The following OR6F1 variants were observed in gnomAD, a reference collection of about 807,000 sequenced individuals.
OR6F1 encodes the protein olfactory receptor 6F1.
For missense variants in OR6F1, 346 were observed against 376.0 expected, an observed-to-expected ratio of 0.92 and a Z score of 0.66; for synonymous variants, 144 against 150.0, an observed-to-expected ratio of 0.96 and a Z score of 0.29.
intron 2 of OR6F1, among the ~76,000 whole-genome samples, chr1:247,713,439 T>C (rs1371908737): frequency 6.6e-6 from 1 of 152,208 alleles, no homozygotes; most frequent in Non-Finnish European, 1.5e-5. Context: ...ATTTCCATAT[T>C]GAACAATACA....
Position 247,711,843 on chromosome 1 carries a change from A to T in OR6F1, c.913T>A (p.Trp305Arg), listed in dbSNP as rs768855778. ...KEVRETLLKK[W>R]KGK ...GTAGAGGAGATTTATTTTCCCTTCC[A>T]TTTCTTCAGCAGAGTCTCTCTTACT... is the stretch of plus-strand genomic sequence containing the variant. Residue 305 changes from tryptophan (W) to arginine (R), a missense_variant, in exon 3 of 3, where the codon TGG (tryptophan) becomes AGG (arginine). Physicochemically the swap from Trp to Arg is moderately radical, Grantham distance 101. Coordinates refer to ENST00000641470, the MANE Select transcript of OR6F1 (RefSeq NM_001005286.2). 2.5e-6 allele frequency: 4 copies of T among 1,609,860 alleles called. No homozygotes were observed. In the Admixed American group the frequency reaches 5.0e-5, roughly 20 times the overall value.
chr1:247,711,673 A>G lies in OR6F1; in HGVS notation c.*156T>C. 1.8e-6 allele frequency: 1 copy of G among 555,776 alleles called. No homozygotes were observed. The highest frequency in any genetic ancestry group is 3.2e-6 in the Non-Finnish European group (1 of 316,658). The allele number at this position is 555,776 out of a possible 1,614,324, so 34.4% of individuals were successfully genotyped here. On this transcript the variant is annotated 3_prime_UTR_variant, in exon 3 of 3. Coordinates refer to ENST00000641470, the MANE Select transcript of OR6F1 (RefSeq NM_001005286.2). ...TCAAAAACTCCCATTTTTATCATAC[A>G]TGATAATGTATAGAAAATACAGTAT...
At chr1:247,715,783 T>A (rs1660094879) in intron 1 of OR6F1, among the ~76,000 whole-genome samples, 1 of 152,226 alleles carries the variant, frequency 6.6e-6, no homozygotes, top group African/African-American at 2.4e-5. Context: ...TAATTTTAAT[T>A]TCTTACATCT....
intron 2 of OR6F1, among the ~76,000 whole-genome samples, chr1:247,713,318 CA>C (rs1660045277): frequency 6.6e-6 from 1 of 151,070 alleles, no homozygotes; most frequent in African/African-American, 2.5e-5. Context: ...AAATAATGTT[CA>C]AAAGTCACCA....
chr1:247,712,719 G>T lies in OR6F1; in HGVS notation c.37C>A (p.Leu13Ile), dbSNP rs866970673. 1 of 1,606,850 alleles carries T rather than the reference G, an allele frequency of 6.2e-7. No individual in the cohort carries two copies. Among genetic ancestry groups the T allele is most frequent in the Admixed American group, 1.7e-5 (1 of 60,002 alleles). The stretch of plus-strand genomic sequence containing the variant: ...TGAGAACCAGGAAAGCCCAGTAAGA[G>T]AAAGTCCTGGGGCAGAGTTTTGTTG... ...TGNKTLPQDF[L>I]LLGFPGSQTL... Residue 13 changes from leucine (L) to isoleucine (I), a missense_variant, in exon 3 of 3, where the codon CTC becomes ATC. Physicochemically the swap from Leu to Ile is conservative, Grantham distance 5. Coordinates refer to ENST00000641470, the MANE Select transcript of OR6F1 (RefSeq NM_001005286.2).
At chr1:247,714,712 T>A (rs2103191872) in intron 1 of OR6F1, among the ~76,000 whole-genome samples, 1 of 152,020 alleles carries the variant, frequency 6.6e-6, no homozygotes, top group Admixed American at 6.5e-5. Context: ...ATTACCCTAA[T>A]ACAGAAAAAA....
In OR6F1 at chr1:247,712,763, C is replaced by T. The variant is rs367690126; in HGVS notation, c.-8G>A. On this transcript the variant is annotated 5_prime_UTR_variant, in exon 3 of 3. Coordinates refer to ENST00000641470, the MANE Select transcript of OR6F1 (RefSeq NM_001005286.2). ...TTTGTTGCCTGTGTCCATTGTGGTA[C>T]TGAAACCAGAAAACAGAGTCCCCGC... 5 of 1,578,362 alleles carry T rather than the reference C, an allele frequency of 3.2e-6. No individual in the cohort carries two copies. Among genetic ancestry groups the T allele is most frequent in the African/African-American group, 1.3e-5 (1 of 74,216 alleles).
rs750201701 is a variant in OR6F1 at position 247,712,118 on chromosome 1, A to G, written c.638T>C (p.Ile213Thr). ...GATGTACACATAGGAGACAAAGGTGATGAGGCATGAACTCAGGATAACCAC... is the reference window on the plus strand; with the variant it reads ...GATGTACACATAGGAGACAAAGGTGGTGAGGCATGAACTCAGGATAACCAC... Reference protein sequence around the residue: ...AVVVILSSCLITFVSYVYIIS... With the variant: ...AVVVILSSCLTTFVSYVYIIS... The change falls in exon 3 of 3, where the codon ATC (isoleucine) becomes ACC (threonine). Residue 213 changes from isoleucine (I) to threonine (T), a missense_variant. Physicochemically the swap from Ile to Thr is moderately conservative, Grantham distance 89. Transcript: ENST00000641470. The G allele has an allele frequency of 3.7e-6, 6 of 1,614,116 alleles. No homozygotes were observed. Among genetic ancestry groups the G allele is most frequent in the Non-Finnish European group, 5.1e-6 (6 of 1,180,030 alleles).
In OR6F1 at chr1:247,712,677, G is replaced by T; in HGVS notation, c.79C>A (p.Leu27Ile). The T allele has an allele frequency of 6.2e-7, 1 of 1,612,878 alleles. No homozygotes were observed. Reference sequence around the variant, plus strand: ...TACATCACCAGAAAAAGCATAAAGAGAGAGAGCTGAAGAGTTTGAGAACCA... The same window carrying T: ...TACATCACCAGAAAAAGCATAAAGATAGAGAGCTGAAGAGTTTGAGAACCA... ...FPGSQTLQLS[L>I]FMLFLVMYIL... Residue 27 changes from leucine (L) to isoleucine (I), a missense_variant, in exon 3 of 3, where the codon CTC becomes ATC. Physicochemically the swap from Leu to Ile is conservative, Grantham distance 5. Coordinates refer to ENST00000641470, the MANE Select transcript of OR6F1 (RefSeq NM_001005286.2).
intron 2 of OR6F1, 66 bp downstream of exon 2, chr1:247,713,825 T>G (rs1033653495): frequency 2.3e-5 from 9 of 398,176 alleles, no homozygotes; most frequent in African/African-American, 4.1e-5. Context: ...ATGTATCCAC[T>G]GTCGCTAAGG....
chr1:247,715,779 T>C (rs1290754221), intron 1 of OR6F1, among the ~76,000 whole-genome samples: 1 of 152,254 alleles, frequency 6.6e-6, no homozygotes, highest in East Asian at 1.9e-4. Flanking sequence ...TAAGTAATTT[T>C]AATTTCTTAC....
rs867959318 is a variant in OR6F1, at chr1:247,712,609, C to T, written c.147G>A (p.Val49=). The change falls in exon 3 of 3, where the codon GTG becomes GTA. Residue 49 remains valine, a synonymous_variant. Coordinates refer to ENST00000641470, the MANE Select transcript of OR6F1 (RefSeq NM_001005286.2). ...GGGTATGCAACTGATGGGAGGTGCTCACCAACATCAAGATAGCCACATTAC... is the reference window on the plus strand; with the variant it reads ...GGGTATGCAACTGATGGGAGGTGCTTACCAACATCAAGATAGCCACATTAC... ...VSGNVAILML[V]STSHQLHTPM... 6.2e-7 allele frequency: 1 copy of T among 1,613,958 alleles called. No individual in the cohort carries two copies. The highest frequency in any genetic ancestry group is 1.3e-5 in the African/African-American group (1 of 74,992).
intron 1 of OR6F1, among the ~76,000 whole-genome samples, chr1:247,715,736 G>A (rs1172650049): frequency 1.3e-5 from 2 of 151,940 alleles, no homozygotes; most frequent in African/African-American, 4.8e-5. Flanking sequence ...TATATAAGTC[G>A]ATTGAATTTT....
chr1:247,712,792 G>A lies in OR6F1; in HGVS notation c.-37C>T, dbSNP rs1463336896. 1 of 1,254,876 alleles carries A rather than the reference G, an allele frequency of 8.0e-7. No individual in the cohort carries two copies. The highest frequency in any genetic ancestry group is 1.1e-6 in the Non-Finnish European group (1 of 881,178). 77.7% of individuals were successfully genotyped at this position (1,254,876 alleles called of 1,614,324 possible). A position where few individuals can be genotyped will look rare whatever the true frequency, so the allele number is the denominator to read the frequency against. On this transcript the variant is annotated 5_prime_UTR_variant, in exon 3 of 3. Coordinates refer to ENST00000641470, the MANE Select transcript of OR6F1 (RefSeq NM_001005286.2). ...AACCAGAAAACAGAGTCCCCGCACT[G>A]AGCCCTTTAACCCAATCACACAGTC...
chr1:247,712,110 C>G lies in OR6F1; in HGVS notation c.646G>C (p.Val216Leu), dbSNP rs759602228. The G allele has an allele frequency of 1.2e-6, 2 of 1,614,058 alleles. No homozygotes were observed. Among genetic ancestry groups the G allele is most frequent in the African/African-American group, 2.7e-5 (2 of 74,938 alleles). Residue 216 changes from valine (V) to leucine (L), a missense_variant, in exon 3 of 3, where the codon GTC (valine) becomes CTC (leucine). By Grantham distance (32) the Val-to-Leu change is conservative. Transcript: ENST00000641470. ...VILSSCLITF[V>L]SYVYIISTIL... ...GTGCTGATGATGTACACATAGGAGA[C>G]AAAGGTGATGAGGCATGAACTCAGG...
At chr1:247,713,750 A>G (rs560457392) in intron 2 of OR6F1, 141 bp downstream of exon 2, 1 of 394,606 alleles carries the variant, frequency 2.5e-6, no homozygotes, top group South Asian at 1.4e-4. Flanking sequence ...CTCCATCCTC[A>G]TGTGTCCTAC....
In OR6F1 at chr1:247,712,342, G is replaced by A. The variant is rs765674800; in HGVS notation, c.414C>T (p.Ser138=). 6.8e-6 allele frequency: 11 copies of A among 1,614,150 alleles called. No individual in the cohort carries two copies. Among genetic ancestry groups the A allele is most frequent in the Admixed American group, 3.3e-5 (2 of 60,030 alleles). The change falls in exon 3 of 3, where the codon AGC becomes AGT. Residue 138 remains serine (S), a synonymous_variant. Transcript: ENST00000641470. ...CCAGGGCCAGCTGCGCTGAGAGCAG[G>A]CTACTCATGATGGCTCCGTAGTGTA... The part of the protein sequence containing the change: ...YPLHYGAIMS[S]LLSAQLALGS...
chr1:247,712,369 A>G lies in OR6F1; in HGVS notation c.387T>C (p.Pro129=), dbSNP rs1261177165. The change falls in exon 3 of 3, where the codon CCT becomes CCC. Residue 129 remains proline (P), a synonymous_variant. Transcript: ENST00000641470. ...AYDRCLAICY[P]LHYGAIMSSL... ...TACTCATGATGGCTCCGTAGTGTAA[A>G]GGATAGCAGATGGCAAGACAGCGGT... 3 of 1,614,084 alleles carry G rather than the reference A, an allele frequency of 1.9e-6. No individual in the cohort carries two copies. The African/African-American group carries it at 4.0e-5, about 22-fold the overall frequency.
rs565173829 is a variant in OR6F1, at chr1:247,714,249, C to T, written c.-126-295G>A. ...GAGAGACACAAGAAAAACTCTCTGG[C>T]CGCCCCCTTTCTACCAGGAAGGATT... On this transcript the variant is annotated intron_variant, in intron 1 of 2. Coordinates refer to ENST00000641470, the MANE Select transcript of OR6F1 (RefSeq NM_001005286.2). Among the ~76,000 whole-genome samples the T allele has an allele frequency of 1.7e-3, 256 of 152,198 alleles. 1 individual carries two copies. Among genetic ancestry groups the T allele is most frequent in the Non-Finnish European group, 2.7e-3 (187 of 68,000 alleles).
Sources: gnomAD v4.1 joint callset for allele counts (sites outside exome capture counted in the v4.1 genomes callset) on GRCh38, gnomAD v4.1.1 for gene constraint, MANE v1.5 for transcripts, NCBI Gene and HGNC (gene_info 2026-07-23, HGNC 2026-07-21) for gene names.